The following NEGR1 variants were observed in gnomAD, a reference collection of about 807,000 sequenced individuals.
NEGR1 encodes the protein neuronal growth regulator 1, also known as IgLON family member 4.
Under a neutral mutation model 40.9 loss-of-function variants are expected in NEGR1, and 10 were observed. The observed-to-expected ratio is 0.24, with a 90% CI of 0.15 to 0.42. The LOEUF (loss-of-function observed/expected upper bound fraction) is 0.42, where lower values mean the gene tolerates loss of function less well. NEGR1 is among the 10% of genes least tolerant of loss of function. The pLI, the probability that NEGR1 is intolerant of heterozygous loss-of-function variation, is 1.00. For missense variants in NEGR1, 352 were observed against 438.9 expected, an observed-to-expected ratio of 0.80 and a Z score of 1.77; for synonymous variants, 185 against 166.8, an observed-to-expected ratio of 1.11 and a Z score of -0.84.
At chr1:71,562,079 T>C (rs1648479442) in intron 6 of NEGR1, among the ~76,000 whole-genome samples, 2 of 151,706 alleles carry the variant, frequency 1.3e-5, no homozygotes, top group Non-Finnish European at 2.9e-5. Flanking sequence ...AATGACTTAT[T>C]AAAGTTCTTT....
rs113439847 is a variant in NEGR1 at position 72,245,962 on chromosome 1, C to T, written c.176+36357G>A. Among the ~76,000 whole-genome samples the T allele has an allele frequency of 2.7e-3, 413 of 152,178 alleles. 6 individuals carry two copies. Among genetic ancestry groups the T allele is most frequent in the African/African-American group, 9.3e-3 (385 of 41,548 alleles). Reference sequence around the variant, plus strand: ...AATAGGCCATGTGAATTAAATACAACATTTAAAAAATATCTAAATATTAAT... The same window carrying T: ...AATAGGCCATGTGAATTAAATACAATATTTAAAAAATATCTAAATATTAAT... On this transcript the variant is annotated intron_variant, in intron 1 of 6. Transcript: ENST00000357731.
chr1:71,736,593 C>A (rs943085207), intron 3 of NEGR1, among the ~76,000 whole-genome samples: 1 of 152,138 alleles, frequency 6.6e-6, no homozygotes, highest in Non-Finnish European at 1.5e-5. Flanking sequence ...GCAAAAGCTG[C>A]CACCTTTCAG....
intron 2 of NEGR1, among the ~76,000 whole-genome samples, chr1:71,831,880 G>A (rs1658853795): frequency 6.6e-6 from 1 of 152,034 alleles, no homozygotes; most frequent in South Asian, 2.1e-4. Flanking sequence ...ACTGTGGGCT[G>A]AGTGGGAGCC....
At chr1:71,946,732 A>C (rs2100263176) in intron 1 of NEGR1, among the ~76,000 whole-genome samples, 1 of 151,708 alleles carries the variant, frequency 6.6e-6, no homozygotes, top group African/African-American at 2.4e-5. Context: ...TACAAATCTA[A>C]GTGAAAAAAT....
intron 3 of NEGR1, among the ~76,000 whole-genome samples, chr1:71,713,635 A>G (rs891309564): frequency 2.6e-5 from 4 of 152,208 alleles, no homozygotes; most frequent in African/African-American, 4.8e-5. Flanking sequence ...AAGCTTTTGG[A>G]CCTTACTTTA....
intron 2 of NEGR1, among the ~76,000 whole-genome samples, chr1:71,813,940 T>A (rs1182323058): frequency 2.0e-5 from 3 of 152,130 alleles, no homozygotes; most frequent in Non-Finnish European, 4.4e-5. Flanking sequence ...TCTTGCCTGA[T>A]TGCCCTTGCC....
intron 2 of NEGR1, among the ~76,000 whole-genome samples, chr1:71,796,897 T>C (rs947536771): frequency 1.3e-5 from 2 of 152,144 alleles, no homozygotes; most frequent in Non-Finnish European, 2.9e-5. Flanking sequence ...TTAAAAGTTG[T>C]AGGTTTTATA....
At chr1:72,189,390 A>G (rs1652733302) in intron 1 of NEGR1, among the ~76,000 whole-genome samples, 1 of 151,534 alleles carries the variant, frequency 6.6e-6, no homozygotes, top group Non-Finnish European at 1.5e-5. Context: ...AAGCTAGAAA[A>G]TTTCAATGTA....
chr1:71,835,080 C>T (rs912915599), intron 2 of NEGR1, among the ~76,000 whole-genome samples: 7 of 152,120 alleles, frequency 4.6e-5, no homozygotes, highest in African/African-American at 1.7e-4. Flanking sequence ...ACTCACATGA[C>T]TGACAGTTGG....
intron 1 of NEGR1, among the ~76,000 whole-genome samples, chr1:72,161,609 T>G (rs1258537933): frequency 6.6e-6 from 1 of 151,964 alleles, no homozygotes; most frequent in Non-Finnish European, 1.5e-5. Flanking sequence ...CCAGGTATTT[T>G]ACCTATCTGT....
intron 2 of NEGR1, among the ~76,000 whole-genome samples, chr1:71,815,170 A>T (rs918186692): frequency 6.6e-6 from 1 of 152,098 alleles, no homozygotes; most frequent in East Asian, 1.9e-4. Context: ...TTTACCCAGG[A>T]GTCATTCAGG....
In NEGR1 at chr1:71,531,503, G is replaced by A. The variant is rs7555348; in HGVS notation, c.940+61314C>T. On this transcript the variant is annotated intron_variant, in intron 6 of 6. Coordinates refer to ENST00000357731, the MANE Select transcript of NEGR1 (RefSeq NM_173808.3). Reference sequence around the variant, plus strand: ...CAAGATTATGATCTCATATGAACCTGAGATTATATTAATCTGTAGAGGACA... The same window carrying A: ...CAAGATTATGATCTCATATGAACCTAAGATTATATTAATCTGTAGAGGACA... Among the ~76,000 whole-genome samples the A allele has an allele frequency of 9.1e-3, 1,374 of 151,440 alleles. 8 individuals carry two copies. The highest frequency in any genetic ancestry group is 0.014 in the Non-Finnish European group (930 of 67,532).
At chr1:72,070,548 T>C (rs1037047529) in intron 1 of NEGR1, among the ~76,000 whole-genome samples, 3 of 152,000 alleles carry the variant, frequency 2.0e-5, no homozygotes, top group Non-Finnish European at 4.4e-5. Flanking sequence ...TATGAAGTAA[T>C]AAAAATGTAT....
intron 1 of NEGR1, among the ~76,000 whole-genome samples, chr1:72,243,931 T>A (rs1335835515): frequency 1.3e-5 from 2 of 151,792 alleles, no homozygotes; most frequent in Non-Finnish European, 3.0e-5. Flanking sequence ...ACATGAAAAT[T>A]AAATTATTTT....
At chr1:71,574,295 T>A (rs2101496508) in intron 6 of NEGR1, among the ~76,000 whole-genome samples, 1 of 152,266 alleles carries the variant, frequency 6.6e-6, no homozygotes, top group Admixed American at 6.5e-5. Flanking sequence ...CTGTGAGAAA[T>A]AAAGTTTTAT....
At chr1:71,687,819 G>T (rs896872994) in intron 4 of NEGR1, among the ~76,000 whole-genome samples, 17 of 152,040 alleles carry the variant, frequency 1.1e-4, no homozygotes, top group Admixed American at 7.2e-4. Context: ...TTCAATTTAC[G>T]TGAAAGCAGG....
intron 6 of NEGR1, among the ~76,000 whole-genome samples, chr1:71,435,913 C>G (rs1646506094): frequency 6.6e-6 from 1 of 152,158 alleles, no homozygotes. Context: ...GGTCTGCTTC[C>G]TCCTCAATAC....
chr1:71,408,686 C>CA (rs997991491), intron 6 of NEGR1: 2 of 151,950 alleles, frequency 1.3e-5, no homozygotes, highest in East Asian at 3.9e-4. Flanking sequence ...ATTGTAATAA[C>CA]AAAAAACCTG....
intron 2 of NEGR1, among the ~76,000 whole-genome samples, chr1:71,914,725 G>A (rs1661522201): frequency 6.6e-6 from 1 of 152,106 alleles, no homozygotes; most frequent in South Asian, 2.1e-4. Flanking sequence ...CCTGATGGGA[G>A]GATTGAGAGC....
Sources: allele counts gnomAD v4.1 joint callset (sites outside exome capture counted in the v4.1 genomes callset), GRCh38; gene constraint gnomAD v4.1.1; transcripts MANE v1.5; gene names NCBI Gene and HGNC (gene_info 2026-07-23, HGNC 2026-07-21).